The following PDE11A variants were observed in gnomAD, a reference collection of about 807,000 sequenced individuals.
The protein encoded by PDE11A is dual 3',5'-cyclic-AMP and -GMP phosphodiesterase 11A.
In PDE11A, 100 loss-of-function variants were observed where a neutral mutation model predicts 100.5. That is an observed-to-expected ratio of 1.00 (90% CI 0.85 to 1.18). The LOEUF is 1.18. PDE11A is among the 50% of genes most tolerant of loss of function. PDE11A has a pLI of 0.00. For missense variants in PDE11A, 1,141 were observed against 1,152.6 expected (o/e 0.99, Z 0.15); for synonymous variants, 381 against 420.8 (o/e 0.91, Z 1.16).
chr2:178,076,428 C>G (rs535865863), upstream of PDE11A, among the ~76,000 whole-genome samples: 1 of 152,298 alleles, frequency 6.6e-6, no homozygotes, highest in African/African-American at 2.4e-5. Flanking sequence ...TGGATGGAAG[C>G]TTATAGTTCT....
Position 178,072,166 on chromosome 2 carries a change from C to A in PDE11A, c.272G>T (p.Gly91Val). The A allele has an allele frequency of 6.2e-7, 1 of 1,614,044 alleles. No individual in the cohort carries two copies. ...ACTCAAGGGAACCCCACCACAGTCC[C>A]CGCCACCGGGAAGGGGCTGGCTGTG... ...SAHSQPLPGG[G>V]DCGGVPLSPS... Residue 91 changes from glycine to valine, a missense_variant, in exon 1 of 20, where the codon GGG becomes GTG. By Grantham distance (109) the Gly-to-Val change is moderately radical. Transcript: ENST00000286063.
intron 5 of PDE11A, among the ~76,000 whole-genome samples, chr2:177,840,997 A>G (rs112163965): frequency 0.044 from 6,754 of 152,290 alleles, 190 homozygotes; most frequent in Middle Eastern, 0.054. Flanking sequence ...TAGCCCATAT[A>G]CCACTTACAA....
chr2:177,825,036 C>T (rs2083205762), intron 6 of PDE11A, among the ~76,000 whole-genome samples: 1 of 152,012 alleles, frequency 6.6e-6, no homozygotes, highest in South Asian at 2.1e-4. Context: ...CTAAGTAGAA[C>T]TTAGGGGGAG....
chr2:177,739,773 T>C (rs1349807787), intron 10 of PDE11A, among the ~76,000 whole-genome samples: 1 of 152,256 alleles, frequency 6.6e-6, no homozygotes, highest in African/African-American at 2.4e-5. Flanking sequence ...AGAATTTATA[T>C]ACTTTTACTT....
In PDE11A at chr2:177,843,525, C is replaced by T. The variant is rs148492090; in HGVS notation, c.1368-3142G>A. On this transcript the variant is annotated intron_variant, in intron 5 of 19. Transcript: ENST00000286063. Reference sequence around the variant, plus strand: ...ACTTACAGAATTCCCAAAGAAGATACGATGACAAAAACACTTACTGAGCAG... The same window carrying T: ...ACTTACAGAATTCCCAAAGAAGATATGATGACAAAAACACTTACTGAGCAG... Among the ~76,000 whole-genome samples, 1,469 of 152,214 alleles carry T rather than the reference C, an allele frequency of 9.7e-3. 9 individuals are homozygous for T. The highest frequency in any genetic ancestry group is 0.016 in the Non-Finnish European group (1,074 of 67,998).
At chr2:177,773,244 A>C (rs1345968975) in intron 9 of PDE11A, among the ~76,000 whole-genome samples, 1 of 152,060 alleles carries the variant, frequency 6.6e-6, no homozygotes, top group Admixed American at 6.6e-5. Context: ...GAACTCCTGG[A>C]TTCAAACAAT....
intron 10 of PDE11A, among the ~76,000 whole-genome samples, chr2:177,756,234 C>G (rs1574110140): frequency 6.6e-6 from 1 of 152,236 alleles, no homozygotes; most frequent in East Asian, 1.9e-4. Flanking sequence ...CAGGGGTTAT[C>G]AAAATAACCA....
At chr2:177,717,560 C>T (rs1346972193) in intron 12 of PDE11A, among the ~76,000 whole-genome samples, 3 of 152,088 alleles carry the variant, frequency 2.0e-5, no homozygotes, top group Non-Finnish European at 4.4e-5. Context: ...TATATCTTCT[C>T]ACCTGTATTC....
chr2:177,925,089 A>G (rs1432630731), intron 2 of PDE11A, among the ~76,000 whole-genome samples: 6 of 150,394 alleles, frequency 4.0e-5, no homozygotes, highest in Non-Finnish European at 8.9e-5. Flanking sequence ...ATAGTATTCC[A>G]TGGTGCATAT....
chr2:178,046,458 T>C (rs901569699), intron 1 of PDE11A, among the ~76,000 whole-genome samples: 2 of 152,228 alleles, frequency 1.3e-5, no homozygotes, highest in Admixed American at 1.3e-4. Flanking sequence ...GAGAAAGTAG[T>C]TGATCTCTGT....
At chr2:177,675,279 G>A (rs78173863) in intron 17 of PDE11A, among the ~76,000 whole-genome samples, 176 bp downstream of exon 17, 6,466 of 148,324 alleles carry the variant, frequency 0.044, 208 homozygotes, top group Admixed American at 0.069. Context: ...AAAAAAAAAG[G>A]GCTGTGCAAT....
rs769077429 is a variant in PDE11A, at chr2:177,680,807, A to G, written c.2423+19T>C. 9 of 1,395,292 alleles carry G rather than the reference A, an allele frequency of 6.5e-6. No homozygotes were observed. The highest frequency in any genetic ancestry group is 9.2e-6 in the Non-Finnish European group (9 of 982,148). 86.4% of individuals were successfully genotyped at this position (1,395,292 alleles called of 1,614,324 possible). ...TGTCCAAATAATGAAGAAACACATA[A>G]ACAAGAGCTTTTTCTTACCGAAATA... On this transcript the variant is annotated intron_variant, in intron 16 of 19. Coordinates refer to ENST00000286063, the MANE Select transcript of PDE11A (RefSeq NM_016953.4).
At chr2:177,897,935 G>A in intron 4 of PDE11A, 123 bp downstream of exon 4, 7 of 786,284 alleles carry the variant, frequency 8.9e-6, no homozygotes, top group Non-Finnish European at 8.8e-6. Flanking sequence ...ATGAAAAGTT[G>A]CCCCATGGTT....
intron 5 of PDE11A, among the ~76,000 whole-genome samples, chr2:177,853,680 A>ATATATGTGTGTGTGTG (rs2083766252): frequency 2.7e-5 from 1 of 36,510 alleles, no homozygotes. Context: ...ATATATATAT[A>ATATATGTGTGTGTGTG]TGTGTGTGTG....
At chr2:177,934,076 G>T (rs2085243293) in intron 2 of PDE11A, among the ~76,000 whole-genome samples, 1 of 152,084 alleles carries the variant, frequency 6.6e-6, no homozygotes, top group Admixed American at 6.6e-5. Context: ...CCTTGGGAAA[G>T]AATTTATGAC....
At chr2:177,950,514 C>T (rs1319606092) in intron 2 of PDE11A, among the ~76,000 whole-genome samples, 1 of 152,142 alleles carries the variant, frequency 6.6e-6, no homozygotes, top group Non-Finnish European at 1.5e-5. Context: ...AGGCTATTAT[C>T]CTCAGTATTA....
At chr2:177,719,862 C>T (rs1442232737) in intron 12 of PDE11A, among the ~76,000 whole-genome samples, 1 of 151,988 alleles carries the variant, frequency 6.6e-6, no homozygotes, top group East Asian at 1.9e-4. Context: ...ACAAGATGCT[C>T]ATATCATCTT....
chr2:177,779,093 T>C lies in PDE11A; in HGVS notation c.1738-9720A>G, dbSNP rs112920895. Among the ~76,000 whole-genome samples, 322 of 152,334 alleles carry C rather than the reference T, an allele frequency of 2.1e-3. 1 individual carries two copies. Among genetic ancestry groups the C allele is most frequent in the Middle Eastern group, 0.01 (3 of 294 alleles). ...AAGTGAATGTAGCATTAAAGTGAGT[T>C]ACATACGTTTTTTGGTTTCCCAGTG... is the stretch of plus-strand genomic sequence containing the variant. On this transcript the variant is annotated intron_variant, in intron 9 of 19. Coordinates refer to ENST00000286063, the MANE Select transcript of PDE11A (RefSeq NM_016953.4).
At chr2:177,734,801 G>T (rs1417266052) in intron 10 of PDE11A, among the ~76,000 whole-genome samples, 1 of 152,192 alleles carries the variant, frequency 6.6e-6, no homozygotes, top group East Asian at 1.9e-4. Flanking sequence ...GTAAGTAACG[G>T]TGCCTGGCAT....
Sources: allele counts gnomAD v4.1 joint callset (sites outside exome capture counted in the v4.1 genomes callset), GRCh38; gene constraint gnomAD v4.1.1; transcripts MANE v1.5; gene names NCBI Gene and HGNC (gene_info 2026-07-23, HGNC 2026-07-21).